IMPG1: variants seen among roughly 807,000 people sequenced by gnomAD.
The protein encoded by IMPG1 is interphotoreceptor matrix proteoglycan 1.
Under a neutral mutation model 92.0 loss-of-function variants are expected in IMPG1, and 85 were observed. The observed-to-expected ratio is 0.92, with a 90% CI of 0.78 to 1.11. The LOEUF (loss-of-function observed/expected upper bound fraction) is 1.11. IMPG1 is among the 50% of genes least tolerant of loss of function. The pLI is 0.00. For synonymous variants in IMPG1, 367 were observed against 334.1 expected, an observed-to-expected ratio of 1.10 and a Z score of -1.08; for missense variants, 1,022 against 956.0, an observed-to-expected ratio of 1.07 and a Z score of -0.91.
intron 1 of IMPG1, among the ~76,000 whole-genome samples, chr6:76,068,793 A>T (rs1784354633): frequency 6.6e-6 from 1 of 152,090 alleles, no homozygotes; most frequent in African/African-American, 2.4e-5. Context: ...CTGGGATTAC[A>T]AGCGTGAGCC....
At chr6:76,061,944 C>G (rs959549830) in intron 1 of IMPG1, among the ~76,000 whole-genome samples, 11 of 152,140 alleles carry the variant, frequency 7.2e-5, no homozygotes, top group Non-Finnish European at 4.4e-5. Flanking sequence ...GAAATCAAAG[C>G]TATCTCACCT....
chr6:76,068,806 C>T (rs563910400), intron 1 of IMPG1, among the ~76,000 whole-genome samples: 19 of 152,018 alleles, frequency 1.2e-4, no homozygotes, highest in South Asian at 1.2e-3. Flanking sequence ...CGTGAGCCAA[C>T]GCACCAGGAA....
At chr6:76,055,413 A>C (rs939710197) in intron 1 of IMPG1, among the ~76,000 whole-genome samples, 1 of 152,052 alleles carries the variant, frequency 6.6e-6, no homozygotes, top group African/African-American at 2.4e-5. Flanking sequence ...AGCAGTTCCT[A>C]ATGGTAAAAT....
At chr6:76,037,708 A>G (rs1783765390) in intron 2 of IMPG1, among the ~76,000 whole-genome samples, 1 of 152,196 alleles carries the variant, frequency 6.6e-6, no homozygotes, top group Non-Finnish European at 1.5e-5. Context: ...TGGGGATGTT[A>G]TTTTGTGGCT....
chr6:75,969,598 G>A (rs1045168180), intron 12 of IMPG1, among the ~76,000 whole-genome samples: 2 of 151,862 alleles, frequency 1.3e-5, no homozygotes, highest in East Asian at 1.9e-4. Context: ...AAAATTAGCT[G>A]GGTGAATGCC....
chr6:75,949,518 C>T (rs187398177), intron 13 of IMPG1, among the ~76,000 whole-genome samples: 95 of 152,316 alleles, frequency 6.2e-4, no homozygotes, highest in Admixed American at 4.6e-3. Context: ...CAGCAGCCCT[C>T]GGGGCTGCTC....
chr6:76,061,140 C>A (rs976695953), intron 1 of IMPG1, among the ~76,000 whole-genome samples: 4 of 151,958 alleles, frequency 2.6e-5, no homozygotes, highest in Admixed American at 1.3e-4. Flanking sequence ...TGCAATAGTC[C>A]CTTAGTGACA....
intron 14 of IMPG1, among the ~76,000 whole-genome samples, chr6:75,933,866 C>T (rs1266601151): frequency 6.6e-6 from 1 of 152,208 alleles, no homozygotes; most frequent in Non-Finnish European, 1.5e-5. Flanking sequence ...CAATAATATT[C>T]ACAGCACCTC....
intron 1 of IMPG1, among the ~76,000 whole-genome samples, chr6:76,046,550 CAAAT>C (rs1783947450): frequency 6.6e-6 from 1 of 152,122 alleles, no homozygotes; most frequent in East Asian, 1.9e-4. Context: ...AGTAGCAGCA[CAAAT>C]CATATAATGT....
chr6:76,044,087 A>C lies in IMPG1; in HGVS notation c.68-1961T>G, dbSNP rs77022346. ...TCATTCTAACCATGGAGTTGGAACC[A>C]GTTTTTCGTGAGTCAAAATGGCTGC... On this transcript the variant is annotated intron_variant, in intron 1 of 16. Coordinates refer to ENST00000369950, the MANE Select transcript of IMPG1 (RefSeq NM_001563.4). Among the ~76,000 whole-genome samples the C allele has an allele frequency of 7.1e-3, 1,077 of 152,296 alleles. 11 individuals carry two copies. The highest frequency in any genetic ancestry group is 0.025 in the African/African-American group (1,041 of 41,558).
intron 4 of IMPG1, among the ~76,000 whole-genome samples, chr6:76,028,653 C>T (rs1783596436): frequency 6.6e-6 from 1 of 152,076 alleles, no homozygotes; most frequent in South Asian, 2.1e-4. Context: ...CATGATGAAA[C>T]CCCGTCTCTA....
Position 76,005,412 on chromosome 6 carries a change from T to C in IMPG1, c.1010A>G (p.His337Arg), listed in dbSNP as rs371964145. Residue 337 changes from histidine to arginine, a missense_variant, in exon 10 of 17, where the codon CAT (histidine) becomes CGT (arginine). By Grantham distance (29) the His-to-Arg change is conservative (BLOSUM62 0). This residue lies in a region of IMPG1 where 681 missense variants were observed against 583.6 expected (regional missense o/e 1.17). Transcript: ENST00000369950. ...SNKIESEEVY[H>R]GTMEEDKQPE... is the part of the protein sequence containing the mutation. Reference sequence around the variant, plus strand: ...TTGCTTGTCCTCCTCCATGGTTCCATGATAGACTTCCTCACTTTCAATTTT... The same window carrying C: ...TTGCTTGTCCTCCTCCATGGTTCCACGATAGACTTCCTCACTTTCAATTTT... The C allele has an allele frequency of 1.3e-5, 21 of 1,613,998 alleles. No individual in the cohort carries two copies. In the East Asian group the frequency reaches 3.1e-4, roughly 24 times the overall value.
chr6:76,018,638 G>T, intron 7 of IMPG1, 80 bp downstream of exon 7: 2 of 1,282,906 alleles, frequency 1.6e-6, no homozygotes, highest in Admixed American at 2.5e-5. Flanking sequence ...GGAACTGTTC[G>T]CCGTAAGGGT....
intron 12 of IMPG1, among the ~76,000 whole-genome samples, chr6:75,963,143 C>T (rs535904132): frequency 3.2e-4 from 49 of 151,888 alleles, no homozygotes; most frequent in East Asian, 1.4e-3. Flanking sequence ...ATACTGAATA[C>T]TAATTTAATA....
At chr6:75,963,863 G>T (rs775657377) in intron 12 of IMPG1, among the ~76,000 whole-genome samples, 48 of 152,302 alleles carry the variant, frequency 3.2e-4, no homozygotes, top group Non-Finnish European at 8.8e-5. Context: ...CAACTCAAAA[G>T]GCTGGCCTTT....
At chr6:75,966,957 C>G (rs762441332) in intron 12 of IMPG1, among the ~76,000 whole-genome samples, 1 of 152,160 alleles carries the variant, frequency 6.6e-6, no homozygotes, top group Non-Finnish European at 1.5e-5. Context: ...GTGGGCAGAT[C>G]ATCTGAGGTC....
chr6:75,949,734 T>C (rs997541734), intron 13 of IMPG1, among the ~76,000 whole-genome samples: 3 of 151,264 alleles, frequency 2.0e-5, no homozygotes, highest in Non-Finnish European at 4.4e-5. Context: ...TCATTATAAA[T>C]GGTGTGGGGT....
At position 75,935,291 on chromosome 6, in the gene IMPG1, C is replaced by A. The variant is rs1296328546; in HGVS notation, c.2045-4140G>T. Among the ~76,000 whole-genome samples, 4 of 152,320 alleles carry A rather than the reference C, an allele frequency of 2.6e-5. No individual in the cohort carries two copies. The East Asian group carries it at 7.7e-4, about 29-fold the overall frequency. On this transcript the variant is annotated intron_variant, in intron 14 of 16. Coordinates refer to ENST00000369950, the MANE Select transcript of IMPG1 (RefSeq NM_001563.4). ...AGCCATTATTACTCCGTGATTACAG[C>A]GGCAGATCGGGCCTGCCTGGCGGGG...
rs755315333 is a variant in IMPG1 at position 76,003,045 on chromosome 6, G to A, written c.1213-49C>T. 9 of 1,364,578 alleles carry A rather than the reference G, an allele frequency of 6.6e-6. No homozygotes were observed. The East Asian group carries it at 1.6e-4, about 24-fold the overall frequency. 84.5% of individuals were successfully genotyped at this position (1,364,578 alleles called of 1,614,324 possible). A position where few individuals can be genotyped will look rare whatever the true frequency, so the allele number is the denominator to read the frequency against. On this transcript the variant is annotated intron_variant, in intron 11 of 16. Transcript: ENST00000369950. Reference sequence around the variant, plus strand: ...AGATGTTGAGAAAGGATGTTTGTATGTATATGAGAAGGGCTATACCCATAT... The same window carrying A: ...AGATGTTGAGAAAGGATGTTTGTATATATATGAGAAGGGCTATACCCATAT...
Sources: allele counts gnomAD v4.1 joint callset (sites outside exome capture counted in the v4.1 genomes callset), GRCh38; gene constraint gnomAD v4.1.1; regional missense constraint gnomAD v4.1.1; transcripts MANE v1.5; gene names NCBI Gene and HGNC (gene_info 2026-07-23, HGNC 2026-07-21).